FREM1: variants seen among roughly 807,000 people sequenced by gnomAD.
FREM1 encodes FRAS1 related extracellular matrix 1, also known as FRAS1-related extracellular matrix protein 1.
A neutral mutation model predicts 210.1 loss-of-function variants in FREM1; 220 were observed. That is an observed-to-expected ratio of 1.05 (90% CI 0.94 to 1.17). The LOEUF is 1.17. Ranked by LOEUF, FREM1 falls within the 50% of genes most tolerant of loss-of-function variation. The pLI, the probability that FREM1 is intolerant of heterozygous loss-of-function variation, is 0.00. For missense variants in FREM1, 3,454 were observed against 2,675.5 expected (o/e 1.29, Z -6.42); for synonymous variants, 1,189 against 980.2 (o/e 1.21, Z -3.98).
intron 27 of FREM1, among the ~76,000 whole-genome samples, chr9:14,767,352 G>T (rs1846620445): frequency 6.6e-6 from 1 of 152,186 alleles, no homozygotes; most frequent in Non-Finnish European, 1.5e-5. Flanking sequence ...CAAGTCTGGT[G>T]TTCCATTCCC....
chr9:14,909,133 G>A (rs1818297879), intron 1 of FREM1, among the ~76,000 whole-genome samples: 1 of 152,184 alleles, frequency 6.6e-6, no homozygotes, highest in South Asian at 2.1e-4. Flanking sequence ...TTGGCTCCCA[G>A]AAATGCTCTT....
At chr9:14,873,517 C>T (rs540312997) in intron 1 of FREM1, among the ~76,000 whole-genome samples, 1 of 152,004 alleles carries the variant, frequency 6.6e-6, no homozygotes, top group South Asian at 2.1e-4. Context: ...GTGGTGATAT[C>T]CACAATATCA....
chr9:14,787,768 G>T (rs1850642105), intron 23 of FREM1, among the ~76,000 whole-genome samples: 1 of 152,130 alleles, frequency 6.6e-6, no homozygotes, highest in Non-Finnish European at 1.5e-5. Context: ...TACACTAGTT[G>T]TCTGCCCTAA....
intron 2 of FREM1, among the ~76,000 whole-genome samples, chr9:14,867,832 A>G (rs1002394562): frequency 6.6e-6 from 1 of 152,228 alleles, no homozygotes; most frequent in African/African-American, 2.4e-5. Flanking sequence ...GGACAGTGGG[A>G]ACAAGTAATA....
intron 10 of FREM1, among the ~76,000 whole-genome samples, chr9:14,831,918 C>T (rs565582300): frequency 8.5e-5 from 13 of 152,278 alleles, no homozygotes; most frequent in African/African-American, 3.1e-4. Context: ...CCAAGAGCGA[C>T]GGACAGAGAA....
chr9:14,904,046 T>C (rs1031160937), intron 1 of FREM1, among the ~76,000 whole-genome samples: 1 of 131,164 alleles, frequency 7.6e-6, no homozygotes, highest in Non-Finnish European at 1.5e-5. Flanking sequence ...GGCGTGAACC[T>C]GGGAGGCGGA....
intron 19 of FREM1, among the ~76,000 whole-genome samples, chr9:14,803,315 T>TTCCCCCCCCC (rs1817692449): frequency 1.0e-5 from 1 of 96,202 alleles, no homozygotes; most frequent in Non-Finnish European, 2.0e-5. Flanking sequence ...TCTTTTTCTT[T>TTCCCCCCCCC]TCCCCTCCCC....
chr9:14,802,943 A>ATGGCTTGAATTTG (rs1291325384), intron 19 of FREM1, among the ~76,000 whole-genome samples: 1 of 152,170 alleles, frequency 6.6e-6, no homozygotes. Context: ...CTTGAAGGAC[A>ATGGCTTGAATTTG]TGTATGGTTT....
At chr9:14,894,469 C>A (rs1398877636) in intron 1 of FREM1, among the ~76,000 whole-genome samples, 1 of 152,132 alleles carries the variant, frequency 6.6e-6, no homozygotes, top group African/African-American at 2.4e-5. Flanking sequence ...ATGCAGGTTT[C>A]TAATAACTTT....
At position 14,776,085 on chromosome 9, in the gene FREM1, C is replaced by A; in HGVS notation, c.4561G>T (p.Ala1521Ser). 6.2e-7 allele frequency: 1 copy of A among 1,611,950 alleles called. No individual in the cohort carries two copies. Among genetic ancestry groups the A allele is most frequent in the Non-Finnish European group, 8.5e-7 (1 of 1,178,370 alleles). Residue 1521 changes from alanine (A) to serine (S), a missense_variant, in exon 25 of 37, where the codon GCC (alanine) becomes TCC (serine). By Grantham distance (99) the Ala-to-Ser change is moderately conservative. Coordinates refer to ENST00000380880, the MANE Select transcript of FREM1 (RefSeq NM_001379081.2). ...AGGTCAGGGGAAAGCAGGCCCACGG[C>A]CCCTTGGGCCAGTCTCAACCCCTTG... ...RNKGLRLAQG[A>S]VGLLSPDLLQ... is the part of the protein sequence containing the mutation.
chr9:14,866,818 G>A (rs1439670202), intron 2 of FREM1, among the ~76,000 whole-genome samples: 1 of 151,844 alleles, frequency 6.6e-6, no homozygotes, highest in African/African-American at 2.4e-5. Flanking sequence ...CTAGGATCAG[G>A]TGTCCTATTT....
At chr9:14,873,749 A>G (rs941036657) in intron 1 of FREM1, among the ~76,000 whole-genome samples, 1 of 151,984 alleles carries the variant, frequency 6.6e-6, no homozygotes, top group African/African-American at 2.4e-5. Flanking sequence ...AGTTCTTTAA[A>G]TTGTGATGTT....
intron 19 of FREM1, among the ~76,000 whole-genome samples, chr9:14,804,548 G>A (rs1339260814): frequency 1.3e-5 from 2 of 152,170 alleles, no homozygotes; most frequent in Non-Finnish European, 2.9e-5. Flanking sequence ...TCGCGCCACT[G>A]CACTCCAGCC....
rs771962517 is a variant in FREM1, at chr9:14,759,919, A to C, written c.5205-18T>G. On this transcript the variant is annotated intron_variant, in intron 27 of 36. Coordinates refer to ENST00000380880, the MANE Select transcript of FREM1 (RefSeq NM_001379081.2). The stretch of plus-strand genomic sequence containing the variant: ...GTTCCAAACTGTGTGTGAAAGGAAA[A>C]GAGAAATCATGAGAATGCATAGTAT... 5.6e-6 allele frequency: 9 copies of C among 1,600,918 alleles called. No individual in the cohort carries two copies. Among genetic ancestry groups the C allele is most frequent in the Non-Finnish European group, 7.7e-6 (9 of 1,172,604 alleles).
intron 28 of FREM1, among the ~76,000 whole-genome samples, chr9:14,759,518 C>CAACAATAATAATAATAATAATAATAAT (rs1554644387): frequency 7.0e-6 from 1 of 143,042 alleles, no homozygotes; most frequent in African/African-American, 2.6e-5. Flanking sequence ...CTCAAAATAA[C>CAACAATAATAATAATAATAATAATAAT]AATAATAATA....
Position 14,869,192 on chromosome 9 carries a change from C to A in FREM1, c.-215G>T. 2.1e-6 allele frequency: 1 copy of A among 473,718 alleles called. No homozygotes were observed. Among genetic ancestry groups the A allele is most frequent in the Non-Finnish European group, 3.8e-6 (1 of 266,488 alleles). The allele number at this position is 473,718 out of a possible 1,614,324, so 29.3% of individuals were successfully genotyped here. On this transcript the variant is annotated 5_prime_UTR_variant, in exon 2 of 37. Coordinates refer to ENST00000380880, the MANE Select transcript of FREM1 (RefSeq NM_001379081.2). ...AGGGCTTTTAATAAAACTCGCTGATCACTCCTGACAACGCCGGCAAGATTA... is the reference window on the plus strand; with the variant it reads ...AGGGCTTTTAATAAAACTCGCTGATAACTCCTGACAACGCCGGCAAGATTA...
chr9:14,883,709 T>C (rs1001325989), intron 1 of FREM1, among the ~76,000 whole-genome samples: 3 of 152,336 alleles, frequency 2.0e-5, no homozygotes, highest in Middle Eastern at 3.4e-3. Flanking sequence ...ACAGCCAACT[T>C]CTACATGAAA....
At chr9:14,888,278 G>A (rs143174878) in intron 1 of FREM1, among the ~76,000 whole-genome samples, 11 of 152,212 alleles carry the variant, frequency 7.2e-5, no homozygotes, top group East Asian at 3.9e-4. Context: ...CCTTGTCATC[G>A]CAATTAGAGC....
chr9:14,907,990 C>T (rs1296228391), intron 1 of FREM1, among the ~76,000 whole-genome samples: 1 of 152,128 alleles, frequency 6.6e-6, no homozygotes, highest in Non-Finnish European at 1.5e-5. Context: ...GCATGCCATC[C>T]CCAGTGGGCA....
Sources: gnomAD v4.1 joint callset for allele counts (sites outside exome capture counted in the v4.1 genomes callset) on GRCh38, gnomAD v4.1.1 for gene constraint, MANE v1.5 for transcripts, NCBI Gene and HGNC (gene_info 2026-07-23, HGNC 2026-07-21) for gene names.